The following TMF1 variants were observed in gnomAD, a reference collection of about 807,000 sequenced individuals.
TMF1 encodes the protein TATA element modulatory factor 1.
A neutral mutation model predicts 126.5 loss-of-function variants in TMF1; 71 were observed. The ratio of observed to expected loss-of-function variants is 0.56; its 90% CI spans 0.46 to 0.68. TMF1 has a LOEUF of 0.68. TMF1 is among the 30% of genes least tolerant of loss of function. The pLI is 0.00. For missense variants in TMF1, 1,259 were observed against 1,253.2 expected, an observed-to-expected ratio of 1.00 and a Z score of -0.07; for synonymous variants, 461 against 430.5, an observed-to-expected ratio of 1.07 and a Z score of -0.88.
chr3:69,026,234 T>C (rs911313589), intron 13 of TMF1, 137 bp from the exon 14 acceptor site: 2 of 539,538 alleles, frequency 3.7e-6, no homozygotes, highest in Non-Finnish European at 6.5e-6. Flanking sequence ...TTCAATACAA[T>C]CAAAAGAAGA....
chr3:69,031,546 T>A (rs1012662080), intron 10 of TMF1, among the ~76,000 whole-genome samples: 8 of 152,222 alleles, frequency 5.3e-5, no homozygotes, highest in African/African-American at 1.7e-4. Flanking sequence ...AAGATTTTAA[T>A]ACTTGGAGAT....
chr3:69,048,674 A>G (rs1221584847), intron 1 of TMF1, 112 bp from the exon 2 acceptor site: 2 of 1,023,522 alleles, frequency 2.0e-6, no homozygotes, highest in East Asian at 5.5e-5. Flanking sequence ...CCTATGAAAT[A>G]CCTGTAATTT....
At chr3:69,051,457 G>T (rs956258588) in intron 1 of TMF1, among the ~76,000 whole-genome samples, 2 of 152,088 alleles carry the variant, frequency 1.3e-5, no homozygotes, top group Non-Finnish European at 2.9e-5. Context: ...CCTGGGCGAC[G>T]GAGTGAGACT....
At position 69,047,884 on chromosome 3, in the gene TMF1, C is replaced by T. The variant is rs1185065631; in HGVS notation, c.821G>A (p.Ser274Asn). The T allele has an allele frequency of 6.2e-7, 1 of 1,613,808 alleles. No homozygotes were observed. The highest frequency in any genetic ancestry group is 8.5e-7 in the Non-Finnish European group (1 of 1,180,020). Residue 274 changes from serine (S) to asparagine (N), a missense_variant, in exon 2 of 17, where the codon AGC becomes AAC. Ser to Asn is a conservative substitution (Grantham distance 46). Coordinates refer to ENST00000398559, the MANE Select transcript of TMF1 (RefSeq NM_007114.3). ...HESVISESSASSRQETTDSKS... is the reference protein window; with the variant it reads ...HESVISESSANSRQETTDSKS... ...TGAATCTGTAGTCTCTTGTCTCGAG[C>T]TCGCTGAGCTCTCACTTATTACACT...
chr3:69,041,017 G>A (rs992284348), intron 5 of TMF1, among the ~76,000 whole-genome samples: 14 of 152,014 alleles, frequency 9.2e-5, no homozygotes, highest in African/African-American at 2.7e-4. Context: ...ATACTCCCAT[G>A]TGAAATTGCT....
chr3:69,027,958 A>G lies in TMF1; in HGVS notation c.2699T>C (p.Met900Thr), dbSNP rs1343724886. 1.9e-6 allele frequency: 3 copies of G among 1,582,826 alleles called. No individual in the cohort carries two copies. Among genetic ancestry groups the G allele is most frequent in the Non-Finnish European group, 2.6e-6 (3 of 1,153,588 alleles). Reference protein sequence around the residue: ...LLNSQLEMERMKVEQERKKAI... With the variant: ...LLNSQLEMERTKVEQERKKAI... ...TTTCTTCCTTTCTTGTTCAACTTTCATTCTTTCCATTTCTAACTGACTATT... is the reference window on the plus strand; with the variant it reads ...TTTCTTCCTTTCTTGTTCAACTTTCGTTCTTTCCATTTCTAACTGACTATT... The change falls in exon 13 of 17, where the codon ATG (methionine) becomes ACG (threonine). Residue 900 changes from methionine to threonine, a missense_variant. Transcript: ENST00000398559.
At chr3:69,036,507 C>T (rs2091832330) in intron 8 of TMF1, among the ~76,000 whole-genome samples, 1 of 152,082 alleles carries the variant, frequency 6.6e-6, no homozygotes, top group Admixed American at 6.6e-5. Flanking sequence ...TGTATGTACG[C>T]AGAACATGTA....
intron 8 of TMF1, 142 bp downstream of exon 8, chr3:69,038,422 G>A (rs1162723262): frequency 1.1e-6 from 1 of 936,948 alleles, no homozygotes; most frequent in African/African-American, 1.7e-5. Flanking sequence ...AAACACAACT[G>A]GTTAAATTTA....
At position 69,052,224 on chromosome 3, in the gene TMF1, C is replaced by T; in HGVS notation, c.-138G>A. 1.0e-6 allele frequency: 1 copy of T among 963,752 alleles called. No individual in the cohort carries two copies. Among genetic ancestry groups the T allele is most frequent in the South Asian group, 1.8e-5 (1 of 55,210 alleles). 59.7% of individuals were successfully genotyped at this position (963,752 alleles called of 1,614,324 possible). On this transcript the variant is annotated 5_prime_UTR_variant, in exon 1 of 17. Transcript: ENST00000398559. ...CAGCGTGTGGCCATTACCCCGACAG[C>T]CTCCCGCGAGCCCGGGATGTTACCC...
chr3:69,025,707 C>T lies in TMF1; in HGVS notation c.2865G>A (p.Glu955=), dbSNP rs575820380. ...TTGGTCCAAATGAGTGATCATGAGA[C>T]TCATCCTATGTTAATTAAGAAAGTT... ...GLQTSFLSQD[E]SHDHSFGPMP... is the part of the protein sequence containing the mutation. The change falls in exon 15 of 17, where the codon GAG becomes GAA. Residue 955 remains glutamate, a synonymous_variant. Transcript: ENST00000398559. 2.0e-5 allele frequency: 32 copies of T among 1,612,716 alleles called. No homozygotes were observed. In the African/African-American group the frequency reaches 3.6e-4, roughly 18 times the overall value.
chr3:69,023,251 G>C lies in TMF1; in HGVS notation c.3208C>G (p.Arg1070Gly). ...GEKAEEAEELRLDLEDVKNMY... is the reference protein window; with the variant it reads ...GEKAEEAEELGLDLEDVKNMY... The stretch of plus-strand genomic sequence containing the variant: ...TTTTTTACATCTTCGAGATCTAATC[G>C]AAGTTCTTCTGCCTCTTCTGCTTTT... The change falls in exon 17 of 17, where the codon CGA becomes GGA. Residue 1070 changes from arginine to glycine, a missense_variant. Transcript: ENST00000398559. The C allele has an allele frequency of 6.2e-7, 1 of 1,611,336 alleles. No individual in the cohort carries two copies. Among genetic ancestry groups the C allele is most frequent in the Non-Finnish European group, 8.5e-7 (1 of 1,178,294 alleles).
intron 5 of TMF1, chr3:69,042,604 A>G (rs2091873639): frequency 3.0e-6 from 2 of 673,640 alleles, no homozygotes; most frequent in African/African-American, 3.5e-5. Context: ...TTTACTTCCA[A>G]AAAACAAAAG....
In TMF1 at chr3:69,035,075, G is replaced by A. The variant is rs200159475; in HGVS notation, c.2192C>T (p.Ala731Val). Residue 731 changes from alanine to valine, a missense_variant, in exon 9 of 17, where the codon GCG becomes GTG. By Grantham distance (64) the Ala-to-Val change is moderately conservative (BLOSUM62 0). Coordinates refer to ENST00000398559, the MANE Select transcript of TMF1 (RefSeq NM_007114.3). The stretch of plus-strand genomic sequence containing the variant: ...TAAATAATCCTCCTTTCTGGCAGCC[G>A]CTTGTTCTGTACGCTGCAATGCAAG... ...LRLALQRTEQ[A>V]AARKEDYLRH... 5.2e-5 allele frequency: 84 copies of A among 1,613,978 alleles called. No individual in the cohort carries two copies. Among genetic ancestry groups the A allele is most frequent in the Admixed American group, 1.0e-4 (6 of 59,986 alleles).
intron 2 of TMF1, among the ~76,000 whole-genome samples, chr3:69,045,515 C>T (rs1347620581): frequency 1.3e-5 from 2 of 151,966 alleles, no homozygotes; most frequent in Non-Finnish European, 2.9e-5. Flanking sequence ...CATGGTGGCT[C>T]ATGCCTGTAA....
intron 1 of TMF1, among the ~76,000 whole-genome samples, chr3:69,050,591 A>C (rs1320505782): frequency 6.6e-6 from 1 of 152,224 alleles, no homozygotes; most frequent in African/African-American, 2.4e-5. Context: ...AAATATCCTT[A>C]TATGTAAAAC....
chr3:69,044,663 G>GT, intron 2 of TMF1, 68 bp from the exon 3 acceptor site: 1 of 941,522 alleles, frequency 1.1e-6, no homozygotes. Flanking sequence ...ACATGCAGGT[G>GT]TATCACTGTA....
chr3:69,042,238 A>G (rs2091870102), intron 5 of TMF1: 1 of 416,966 alleles, frequency 2.4e-6, no homozygotes, highest in Non-Finnish European at 4.7e-6. Context: ...GGGTTTCACC[A>G]TGTTGGCCAG....
chr3:69,029,812 C>T lies in TMF1; in HGVS notation c.2594+3G>A. 6.2e-7 allele frequency: 1 copy of T among 1,602,514 alleles called. No individual in the cohort carries two copies. Among genetic ancestry groups the T allele is most frequent in the Non-Finnish European group, 8.5e-7 (1 of 1,174,836 alleles). On this transcript the variant is annotated splice_donor_region_variant and intron_variant, in intron 11 of 16. Transcript: ENST00000398559. ...AAAAATATCACTCAGAAACCATGCT[C>T]ACCTATTGTTCTCATCCTCCAGTTT...
intron 10 of TMF1, among the ~76,000 whole-genome samples, chr3:69,031,989 A>G (rs1447316240): frequency 3.3e-5 from 5 of 152,262 alleles, no homozygotes; most frequent in African/African-American, 4.8e-5. Context: ...TGTCAGAGAT[A>G]AACGACAGAC....
Sources: gnomAD v4.1 joint callset for allele counts (sites outside exome capture counted in the v4.1 genomes callset) on GRCh38, gnomAD v4.1.1 for gene constraint, MANE v1.5 for transcripts, NCBI Gene and HGNC (gene_info 2026-07-23, HGNC 2026-07-21) for gene names.